The following ZNF410 variants were observed in gnomAD, a reference collection of about 807,000 sequenced individuals.
ZNF410 encodes the protein zinc finger protein 410.
Under a neutral mutation model 54.8 loss-of-function variants are expected in ZNF410, and 18 were observed. That is an observed-to-expected ratio of 0.33 (90% CI 0.23 to 0.49). The LOEUF (loss-of-function observed/expected upper bound fraction) is 0.49, where lower values mean the gene tolerates loss of function less well. Among genes scored for constraint, ZNF410 ranks in the 20% least tolerant of loss-of-function variants. The pLI is 0.99. For synonymous variants in ZNF410, 191 were observed against 207.3 expected (o/e 0.92, Z 0.68); for missense variants, 405 against 569.6 (o/e 0.71, Z 2.94).
chr14:73,927,697 T>G (rs1259872515), intron 11 of ZNF410, among the ~76,000 whole-genome samples: 2 of 152,078 alleles, frequency 1.3e-5, no homozygotes, highest in Non-Finnish European at 2.9e-5. Flanking sequence ...AGTTATACAA[T>G]AGTAAACAAA....
At chr14:73,895,389 A>G (rs2055300927) in intron 3 of ZNF410, 4 of 152,308 alleles carry the variant, frequency 2.6e-5, no homozygotes, top group Admixed American at 2.0e-4. Context: ...TGGAGCCACT[A>G]TATGACCCAG....
At chr14:73,924,128 A>G (rs1471607459) in intron 11 of ZNF410, among the ~76,000 whole-genome samples, 1 of 152,224 alleles carries the variant, frequency 6.6e-6, no homozygotes, top group African/African-American at 2.4e-5. Flanking sequence ...AGTGAGAACC[A>G]TTACCTAAAT....
At chr14:73,923,548 T>C in intron 11 of ZNF410, 26 bp downstream of exon 11, 1 of 1,601,780 alleles carries the variant, frequency 6.2e-7, no homozygotes, top group Non-Finnish European at 8.5e-7. Context: ...GCCCTTTGTT[T>C]CTGTGACAAT....
At chr14:73,901,084 C>G (rs2055398967) in intron 5 of ZNF410, among the ~76,000 whole-genome samples, 1 of 152,196 alleles carries the variant, frequency 6.6e-6, no homozygotes, top group African/African-American at 2.4e-5. Flanking sequence ...GTTATCTTCA[C>G]TTACAGTCTA....
At chr14:73,921,316 C>T (rs778470556) in intron 9 of ZNF410, 3 of 480,712 alleles carry the variant, frequency 6.2e-6, no homozygotes, top group Non-Finnish European at 1.1e-5. Context: ...TGCTTGTCCG[C>T]CCACCAATAA....
At chr14:73,898,839 T>C (rs1467949844) in intron 5 of ZNF410, among the ~76,000 whole-genome samples, 1 of 152,256 alleles carries the variant, frequency 6.6e-6, no homozygotes, top group African/African-American at 2.4e-5. Context: ...CTAGTAATTT[T>C]CAAAGCATTG....
intron 5 of ZNF410, among the ~76,000 whole-genome samples, chr14:73,901,493 CAGG>C (rs1381470567): frequency 1.3e-5 from 2 of 151,474 alleles, no homozygotes; most frequent in African/African-American, 4.9e-5. Context: ...CATTCTTGAG[CAGG>C]AGGAGTTTCA....
chr14:73,898,693 T>C (rs2055360404), intron 5 of ZNF410, among the ~76,000 whole-genome samples: 3 of 152,240 alleles, frequency 2.0e-5, no homozygotes, highest in Admixed American at 2.0e-4. Context: ...ATTAAGTCAT[T>C]GTGGCAGAGG....
intron 8 of ZNF410, among the ~76,000 whole-genome samples, chr14:73,912,000 A>T (rs2055587347): frequency 6.6e-6 from 1 of 152,110 alleles, no homozygotes; most frequent in Non-Finnish European, 1.5e-5. Context: ...AGTAAGCTCT[A>T]AAAGCTTCAA....
Position 73,892,046 on chromosome 14 carries a change from T to A in ZNF410, c.-130T>A. The A allele has an allele frequency of 9.7e-7, 1 of 1,034,388 alleles. No homozygotes were observed. Among genetic ancestry groups the A allele is most frequent in the South Asian group, 1.3e-5 (1 of 78,826 alleles). The allele number at this position is 1,034,388 out of a possible 1,614,324, so 64.1% of individuals were successfully genotyped here. On this transcript the variant is annotated 5_prime_UTR_variant, in exon 2 of 12. Coordinates refer to ENST00000555044, the MANE Select transcript of ZNF410 (RefSeq NM_021188.3). Reference sequence around the variant, plus strand: ...TTCTAGGTTACATTGATTACCCACCTAGTACAACATCTTACGGGAAGAGCA... The same window carrying A: ...TTCTAGGTTACATTGATTACCCACCAAGTACAACATCTTACGGGAAGAGCA...
At chr14:73,904,163 T>C (rs1468903955) in intron 6 of ZNF410, 53 bp downstream of exon 6, 1 of 1,572,404 alleles carries the variant, frequency 6.4e-7, no homozygotes, top group East Asian at 2.3e-5. Flanking sequence ...AAAAGTTGAT[T>C]CTTCCAGAGG....
chr14:73,890,653 A>G (rs1473543581), intron 1 of ZNF410, among the ~76,000 whole-genome samples: 1 of 152,232 alleles, frequency 6.6e-6, no homozygotes, highest in African/African-American at 2.4e-5. Flanking sequence ...CAATTGTACA[A>G]AATAAAATGG....
chr14:73,918,567 AAAAG>A (rs2055704117), intron 8 of ZNF410, among the ~76,000 whole-genome samples: 4 of 152,066 alleles, frequency 2.6e-5, no homozygotes, highest in Admixed American at 2.6e-4. Context: ...GATGATTAAA[AAAAG>A]AAAAAGAAGT....
chr14:73,931,481 A>T, intron 11 of ZNF410, 22 bp from the exon 12 acceptor site: 3 of 1,604,628 alleles, frequency 1.9e-6, no homozygotes, highest in Non-Finnish European at 2.6e-6. Context: ...CCTATTCTAG[A>T]TTTGCTTTCA....
intron 10 of ZNF410, chr14:73,922,641 A>G (rs1312547136): frequency 6.5e-6 from 1 of 153,306 alleles, no homozygotes; most frequent in African/African-American, 2.4e-5. Flanking sequence ...CCTCTCTGGT[A>G]TAGAAATTTC....
intron 11 of ZNF410, among the ~76,000 whole-genome samples, chr14:73,930,968 G>A (rs193094487): frequency 6.6e-6 from 1 of 152,252 alleles, no homozygotes; most frequent in East Asian, 1.9e-4. Context: ...ATAGAGCCTT[G>A]TGTATAGAGT....
chr14:73,918,290 A>G (rs2055699735), intron 8 of ZNF410, among the ~76,000 whole-genome samples: 1 of 151,976 alleles, frequency 6.6e-6, no homozygotes, highest in Non-Finnish European at 1.5e-5. Context: ...TTTAGTAGAG[A>G]CAGGGTTTCA....
At chr14:73,892,269 A>G in intron 2 of ZNF410, 61 bp downstream of exon 2, 1 of 1,581,226 alleles carries the variant, frequency 6.3e-7, no homozygotes. Flanking sequence ...GTTTATCTTC[A>G]GTTTAGGGGG....
At chr14:73,897,997 T>C in intron 4 of ZNF410, 74 bp from the exon 5 acceptor site, 2 of 1,100,342 alleles carry the variant, frequency 1.8e-6, no homozygotes, top group Non-Finnish European at 2.6e-6. Flanking sequence ...AAAAGGGACA[T>C]GGAGAGTCTC....
Sources: gnomAD v4.1 joint callset for allele counts (sites outside exome capture counted in the v4.1 genomes callset) on GRCh38, gnomAD v4.1.1 for gene constraint, MANE v1.5 for transcripts, NCBI Gene and HGNC (gene_info 2026-07-23, HGNC 2026-07-21) for gene names.